ATAD2: variants seen among roughly 807,000 people sequenced by gnomAD.
ATAD2 encodes the protein ATPase family AAA domain-containing protein 2.
ATAD2 carries 62 observed loss-of-function variants against 168.9 expected under a neutral mutation model. The observed-to-expected ratio is 0.37, with a 90% CI of 0.30 to 0.45. The LOEUF (loss-of-function observed/expected upper bound fraction) is 0.45, where lower values mean the gene tolerates loss of function less well. ATAD2 is among the 20% of genes least tolerant of loss of function. The pLI is 1.00. For missense variants in ATAD2, 1,419 were observed against 1,667.8 expected, an observed-to-expected ratio of 0.85 and a Z score of 2.60; for synonymous variants, 613 against 571.6, an observed-to-expected ratio of 1.07 and a Z score of -1.03.
chr8:123,406,674 G>A (rs527847408), intron 1 of ATAD2, among the ~76,000 whole-genome samples: 18 of 151,864 alleles, frequency 1.2e-4, no homozygotes, highest in Non-Finnish European at 2.2e-4. Flanking sequence ...GAAATTAGCC[G>A]GGCGTTGTGG....
intron 6 of ATAD2, among the ~76,000 whole-genome samples, chr8:123,370,314 AGTCTTTCCATGAAT>A (rs2129746739): frequency 6.6e-6 from 1 of 152,254 alleles, no homozygotes; most frequent in Non-Finnish European, 1.5e-5. Flanking sequence ...TAAAATTTAT[AGTCTTTCCATGAAT>A]TTCATTAATG....
rs1433196973 is a variant in ATAD2, at chr8:123,345,033, C to T, written c.2569G>A (p.Val857Met). 3.1e-6 allele frequency: 5 copies of T among 1,613,494 alleles called. No individual in the cohort carries two copies. Among genetic ancestry groups the T allele is most frequent in the African/African-American group, 1.3e-5 (1 of 74,920 alleles). ...REAKRTAPSI[V>M]YVPHIHVWWE... Reference sequence around the variant, plus strand: ...CACACGTGGATATGAGGAACATACACTATACTTGGTGCTGTTCTCTTAGCT... The same window carrying T: ...CACACGTGGATATGAGGAACATACATTATACTTGGTGCTGTTCTCTTAGCT... The change falls in exon 19 of 28, where the codon GTG becomes ATG. Residue 857 changes from valine to methionine, a missense_variant. Val to Met is a conservative substitution (Grantham distance 21). This residue lies in a region of ATAD2 where 545 missense variants were observed against 724.9 expected (regional missense o/e 0.75). Coordinates refer to ENST00000287394, the MANE Select transcript of ATAD2 (RefSeq NM_014109.4).
chr8:123,371,399 CTT>C, intron 4 of ATAD2, 61 bp from the exon 5 acceptor site: 1 of 1,338,834 alleles, frequency 7.5e-7, no homozygotes, highest in Non-Finnish European at 1.0e-6. Context: ...ATTTTAAAAA[CTT>C]TATTTTTCTT....
chr8:123,346,797 C>T (rs755557747), intron 16 of ATAD2, 47 bp from the exon 17 acceptor site: 1 of 1,508,316 alleles, frequency 6.6e-7, no homozygotes, highest in East Asian at 2.3e-5. Context: ...GATTGCAAAG[C>T]AAATCTTTAT....
intron 1 of ATAD2, among the ~76,000 whole-genome samples, chr8:123,394,864 G>A (rs1812755587): frequency 6.6e-6 from 1 of 152,148 alleles, no homozygotes; most frequent in Non-Finnish European, 1.5e-5. Flanking sequence ...TTTAAAGTCA[G>A]GAAATTACTT....
intron 1 of ATAD2, among the ~76,000 whole-genome samples, chr8:123,403,747 C>T (rs1813036239): frequency 6.6e-6 from 1 of 152,150 alleles, no homozygotes; most frequent in Admixed American, 6.5e-5. Flanking sequence ...CTGCACTGTC[C>T]TGGTGAGAGA....
At chr8:123,373,140 C>T (rs1253508806) in intron 2 of ATAD2, among the ~76,000 whole-genome samples, 1 of 152,006 alleles carries the variant, frequency 6.6e-6, no homozygotes, top group African/African-American at 2.4e-5. Flanking sequence ...GATCTGCCCA[C>T]CTCAGCCTCC....
intron 22 of ATAD2, 30 bp downstream of exon 22, chr8:123,336,343 C>A (rs1333578482): frequency 6.4e-7 from 1 of 1,551,978 alleles, no homozygotes; most frequent in Middle Eastern, 1.7e-4. Context: ...CCCAACTCAA[C>A]CCCCTGAAAA....
intron 1 of ATAD2, chr8:123,401,617 G>A (rs1289814587): frequency 1.9e-6 from 2 of 1,072,362 alleles, no homozygotes; most frequent in Middle Eastern, 2.9e-4. Context: ...GTGTGTACAA[G>A]GTGGCTGAGT....
chr8:123,415,554 G>A (rs900018625), intron 1 of ATAD2, among the ~76,000 whole-genome samples: 1 of 152,176 alleles, frequency 6.6e-6, no homozygotes, highest in African/African-American at 2.4e-5. Flanking sequence ...CCTTGAAACT[G>A]AAAGTCCCTG....
intron 8 of ATAD2, among the ~76,000 whole-genome samples, chr8:123,364,268 T>C (rs536741138): frequency 2.6e-5 from 4 of 151,860 alleles, no homozygotes; most frequent in Non-Finnish European, 4.4e-5. Context: ...CGCTAATAAC[T>C]AGTAGAGCTG....
Position 123,321,053 on chromosome 8 carries a change from ATAC to A in ATAD2, c.*78_*80del. The A allele has an allele frequency of 8.2e-7, 1 of 1,219,806 alleles. No individual in the cohort carries two copies. The highest frequency in any genetic ancestry group is 2.4e-5 in the East Asian group (1 of 42,236). The allele number at this position is 1,219,806 out of a possible 1,614,324, so 75.6% of individuals were successfully genotyped here. A position where few individuals can be genotyped will look rare whatever the true frequency, so the allele number is the denominator to read the frequency against. On this transcript the variant is annotated 3_prime_UTR_variant, in exon 28 of 28. Coordinates refer to ENST00000287394, the MANE Select transcript of ATAD2 (RefSeq NM_014109.4). ...CTTTTCCTTAAAGATGCAGGGTTTC[ATAC>A]TACATCAATTAGGCGGACATGACAA... is the stretch of plus-strand genomic sequence containing the variant.
intron 1 of ATAD2, among the ~76,000 whole-genome samples, chr8:123,413,856 T>G (rs3857957): frequency 0.65 from 99,004 of 151,728 alleles, 32,971 homozygotes; most frequent in East Asian, 0.92. Context: ...TGCAAAGGCT[T>G]GGGGTATCAA....
intron 2 of ATAD2, among the ~76,000 whole-genome samples, chr8:123,374,141 G>C (rs1254108391): frequency 2.0e-5 from 3 of 152,018 alleles, no homozygotes; most frequent in Non-Finnish European, 2.9e-5. Context: ...AAGAGTTCAA[G>C]ACCAGCCTGG....
rs79036500 is a variant in ATAD2 at position 123,361,404 on chromosome 8, T to C, written c.1157+135A>G. On this transcript the variant is annotated intron_variant, in intron 9 of 27. Transcript: ENST00000287394. ...TGTAGATAATTCTAACAAGACAGCA[T>C]TCTAGTTTATACATTAACCTGTTGT... is the stretch of plus-strand genomic sequence containing the variant. 6.7e-4 allele frequency: 383 copies of C among 570,634 alleles called. 2 individuals carry two copies. The East Asian group carries it at 0.01, about 15-fold the overall frequency. 35.3% of individuals were successfully genotyped at this position (570,634 alleles called of 1,614,324 possible). A position where few individuals can be genotyped will look rare whatever the true frequency, so the allele number is the denominator to read the frequency against.
chr8:123,400,612 G>A (rs1460847155), upstream of ATAD2: 6 of 608,826 alleles, frequency 9.9e-6, no homozygotes, highest in Admixed American at 4.3e-5. This position sits in a 1 kb window ranked among gnomAD's most constrained non-coding sequence, Gnocchi z 4.5. Context: ...CACCGGCTGC[G>A]TGCCCGAGGA....
intron 1 of ATAD2, among the ~76,000 whole-genome samples, chr8:123,383,316 C>T: frequency 6.6e-6 from 1 of 151,808 alleles, no homozygotes; most frequent in Non-Finnish European, 1.5e-5. Flanking sequence ...GCACATTCTG[C>T]ACATGTATCC....
upstream of ATAD2, chr8:123,396,477 A>AGC: frequency 1.8e-6 from 2 of 1,137,800 alleles, no homozygotes; most frequent in Non-Finnish European, 2.4e-6. Context: ...CAGCGGCCGC[A>AGC]GCGCGCGCGC....
intron 1 of ATAD2, among the ~76,000 whole-genome samples, chr8:123,392,731 A>C (rs1350000255): frequency 6.6e-6 from 1 of 152,236 alleles, no homozygotes; most frequent in East Asian, 1.9e-4. Flanking sequence ...CAGCTATGCC[A>C]GTGTGGCTGG....
Sources: allele counts gnomAD v4.1 joint callset (sites outside exome capture counted in the v4.1 genomes callset), GRCh38; gene constraint gnomAD v4.1.1; regional missense constraint gnomAD v4.1.1; non-coding constraint Gnocchi (gnomAD v3.1); transcripts MANE v1.5; gene names NCBI Gene and HGNC (gene_info 2026-07-23, HGNC 2026-07-21).